The following ZFHX3 variants were observed in gnomAD, a reference collection of about 807,000 sequenced individuals.
ZFHX3 encodes the protein zinc finger homeobox 3, also known as zinc finger homeobox protein 3.
In ZFHX3, 42 loss-of-function variants were observed where a neutral mutation model predicts 279.1. The ratio of observed to expected loss-of-function variants is 0.15; its 90% CI spans 0.12 to 0.19. The LOEUF (loss-of-function observed/expected upper bound fraction) is 0.19. Among genes scored for constraint, ZFHX3 ranks in the 10% least tolerant of loss-of-function variants. ZFHX3 has a pLI of 1.00. For missense variants in ZFHX3, 4,981 were observed against 4,754.0 expected (o/e 1.05, Z -1.40); for synonymous variants, 2,293 against 1,957.8 (o/e 1.17, Z -4.52).
chr16:73,285,310 G>A (rs1049344467), intron 4 of ZFHX3, among the ~76,000 whole-genome samples: 2 of 152,208 alleles, frequency 1.3e-5, no homozygotes, highest in East Asian at 1.9e-4. Context: ...TTAAGGGATC[G>A]GTAGAGGGTA....
intron 1 of ZFHX3, among the ~76,000 whole-genome samples, chr16:73,686,720 A>G (rs1309118577): frequency 6.6e-6 from 1 of 152,056 alleles, no homozygotes; most frequent in Non-Finnish European, 1.5e-5. Context: ...ACTAACTATA[A>G]AAGCAGTCAG....
chr16:73,759,249 G>T (rs565988678), intron 1 of ZFHX3, among the ~76,000 whole-genome samples: 1 of 152,056 alleles, frequency 6.6e-6, no homozygotes. Context: ...TCTTTAACAC[G>T]TGACTCCCAT....
At chr16:73,661,949 A>G (rs1280710161) in intron 2 of ZFHX3, among the ~76,000 whole-genome samples, 1 of 151,606 alleles carries the variant, frequency 6.6e-6, no homozygotes, top group Non-Finnish European at 1.5e-5. Flanking sequence ...TTGCACCTAT[A>G]ACGTAGGTCA....
At chr16:72,836,832 AG>A (rs2143761164) in intron 4 of ZFHX3, among the ~76,000 whole-genome samples, 1 of 152,248 alleles carries the variant, frequency 6.6e-6, no homozygotes, top group East Asian at 1.9e-4. Flanking sequence ...GAAACCTCGA[AG>A]GGGTGAAGAC....
At chr16:72,961,207 C>A (rs1013945999) in intron 1 of ZFHX3, among the ~76,000 whole-genome samples, 2 of 149,754 alleles carry the variant, frequency 1.3e-5, no homozygotes, top group African/African-American at 4.9e-5. Flanking sequence ...CAAGCCGAGA[C>A]GGCAGCTGGG....
At chr16:72,946,124 C>T (rs1172178910) in intron 3 of ZFHX3, among the ~76,000 whole-genome samples, 1 of 152,194 alleles carries the variant, frequency 6.6e-6, no homozygotes, top group African/African-American at 2.4e-5. Flanking sequence ...TGGAAGTTTT[C>T]TTACATTCTT....
At chr16:73,859,014 C>G (rs945633366) in intron 1 of ZFHX3, among the ~76,000 whole-genome samples, 9 of 152,130 alleles carry the variant, frequency 5.9e-5, no homozygotes, top group Non-Finnish European at 1.3e-4. Context: ...AAAGCAATAC[C>G]TAAGGGGATA....
At chr16:73,693,179 A>G (rs1055674897) in intron 1 of ZFHX3, among the ~76,000 whole-genome samples, 1 of 152,212 alleles carries the variant, frequency 6.6e-6, no homozygotes, top group African/African-American at 2.4e-5. Context: ...TATAATAAAT[A>G]GCATTTCAAA....
chr16:73,693,502 C>T (rs916779438), intron 1 of ZFHX3, among the ~76,000 whole-genome samples: 1 of 151,686 alleles, frequency 6.6e-6, no homozygotes, highest in Non-Finnish European at 1.5e-5. Context: ...CCCAGCACCG[C>T]GGCAGGCAAG....
intron 1 of ZFHX3, among the ~76,000 whole-genome samples, chr16:73,682,425 G>A (rs566592496): frequency 7.6e-4 from 116 of 152,154 alleles, no homozygotes; most frequent in Non-Finnish European, 1.5e-3. Context: ...TCAAATCCAC[G>A]TCCCTTGAAA....
intron 5 of ZFHX3, among the ~76,000 whole-genome samples, chr16:72,826,484 T>C (rs1401836058): frequency 2.6e-5 from 4 of 152,122 alleles, no homozygotes; most frequent in South Asian, 2.1e-4. Context: ...AGGGAGAGAA[T>C]AGAACAAACG....
chr16:73,353,558 C>G (rs942281308), intron 3 of ZFHX3, among the ~76,000 whole-genome samples: 3 of 152,168 alleles, frequency 2.0e-5, no homozygotes, highest in South Asian at 2.1e-4. Context: ...TCTGAGGAAA[C>G]GAAGGCACAG....
At chr16:73,077,630 A>AAT (rs1348836704) in intron 8 of ZFHX3, among the ~76,000 whole-genome samples, 1 of 152,194 alleles carries the variant, frequency 6.6e-6, no homozygotes, top group African/African-American at 2.4e-5. Context: ...TGAGGAAGTA[A>AAT]ATGGTCAAGG....
chr16:73,526,326 G>C (rs910737927), intron 2 of ZFHX3, among the ~76,000 whole-genome samples: 2 of 152,212 alleles, frequency 1.3e-5, no homozygotes, highest in African/African-American at 4.8e-5. Flanking sequence ...CTCTAGCAAG[G>C]CCTTATATTA....
rs60214410 is a variant in ZFHX3 at position 73,241,790 on chromosome 16, C to CAAAAAAAAAAAA, written c.-1104+15245_-1104+15256dup. Among the ~76,000 whole-genome samples the CAAAAAAAAAAAA allele has an allele frequency of 4.7e-4, 24 of 51,280 alleles. 1 individual carries two copies. Among genetic ancestry groups the CAAAAAAAAAAAA allele is most frequent in the African/African-American group, 2.0e-3 (24 of 11,768 alleles). 33.6% of individuals were successfully genotyped at this position (51,280 alleles called of 152,430 possible). A position where few individuals can be genotyped will look rare whatever the true frequency, so the allele number is the denominator to read the frequency against. On this transcript the variant is annotated intron_variant, in intron 5 of 17. Transcript: ENST00000641206. ...GGGCAATAAGAGCAAAACTCCGTCT[C>CAAAAAAAAAAAA]AAAAAAAAAAAAAAAAAAAAAAAAA...
chr16:73,536,720 C>T (rs2019907893), intron 2 of ZFHX3, among the ~76,000 whole-genome samples: 1 of 152,176 alleles, frequency 6.6e-6, no homozygotes, highest in South Asian at 2.1e-4. Context: ...ACAGCTGTTC[C>T]TGGCACATGA....
chr16:73,671,772 G>C (rs4243135), intron 2 of ZFHX3, among the ~76,000 whole-genome samples: 1 of 152,140 alleles, frequency 6.6e-6, no homozygotes, highest in Non-Finnish European at 1.5e-5. Context: ...GGCTTTCCTT[G>C]AAGGGGAGTT....
At chr16:73,273,494 T>C (rs188688854) in intron 4 of ZFHX3, among the ~76,000 whole-genome samples, 95 of 152,330 alleles carry the variant, frequency 6.2e-4, no homozygotes, top group Non-Finnish European at 1.1e-3. Flanking sequence ...AAAATTTATA[T>C]ATAAAACACA....
At chr16:73,394,198 G>A (rs1214378918) in intron 3 of ZFHX3, among the ~76,000 whole-genome samples, 3 of 149,768 alleles carry the variant, frequency 2.0e-5, no homozygotes, top group African/African-American at 7.3e-5. Flanking sequence ...CGTCGAATAA[G>A]GCAGGTTAAG....
Sources: gnomAD v4.1 joint callset for allele counts (sites outside exome capture counted in the v4.1 genomes callset) on GRCh38, gnomAD v4.1.1 for gene constraint, MANE v1.5 for transcripts, NCBI Gene and HGNC (gene_info 2026-07-23, HGNC 2026-07-21) for gene names.